Variants in TFEC observed in about 807,000 individuals in gnomAD.
TFEC encodes class E basic helix-loop-helix protein 34.
TFEC carries 31 observed loss-of-function variants against 41.6 expected under a neutral mutation model. That is an observed-to-expected ratio of 0.74 (90% confidence interval 0.56 to 1.01). The LOEUF (loss-of-function observed/expected upper bound fraction) is 1.01. Ranked by LOEUF, TFEC falls within the 50% of genes least tolerant of loss-of-function variation. The pLI is 0.00. For synonymous variants in TFEC, 143 were observed against 140.6 expected (o/e 1.02, Z -0.12); for missense variants, 402 against 404.1 (o/e 0.99, Z 0.04).
chr7:116,045,702 C>T (rs1466330084), intron 3 of TFEC, among the ~76,000 whole-genome samples: 1 of 152,244 alleles, frequency 6.6e-6, no homozygotes, highest in Non-Finnish European at 1.5e-5. Context: ...TCCTGGGGCA[C>T]TGCCTAGTGG....
chr7:116,148,830 G>C (rs138430145), intron 1 of TFEC, among the ~76,000 whole-genome samples: 1,602 of 151,906 alleles, frequency 0.011, 23 homozygotes, highest in African/African-American at 0.035. Context: ...AAATCTGCGA[G>C]TCATTCACAT....
At chr7:116,067,238 T>G (rs931829346) in intron 3 of TFEC, among the ~76,000 whole-genome samples, 2 of 151,962 alleles carry the variant, frequency 1.3e-5, no homozygotes, top group African/African-American at 4.8e-5. Context: ...TTACTCAGGA[T>G]TCCCTCATTT....
At chr7:116,137,124 C>A (rs900459694) in intron 1 of TFEC, among the ~76,000 whole-genome samples, 2 of 152,122 alleles carry the variant, frequency 1.3e-5, no homozygotes, top group African/African-American at 2.4e-5. Flanking sequence ...TCTTAAACAT[C>A]ATTTCCTCAT....
rs1178866496 is a variant in TFEC, at chr7:115,936,494, T to C, written c.*4057A>G. 6.6e-6 allele frequency: 1 copy of C among 151,626 alleles called. No homozygotes were observed. Among genetic ancestry groups the C allele is most frequent in the Non-Finnish European group, 1.5e-5 (1 of 67,654 alleles). 9.4% of individuals were successfully genotyped at this position (151,626 alleles called of 1,614,324 possible). A position where few individuals can be genotyped will look rare whatever the true frequency, so the allele number is the denominator to read the frequency against. ...ACACATCAGACGGTCAGTAAATACCTAAAGTGTTTGAATAGGGTCAAAGAC... is the reference window on the plus strand; with the variant it reads ...ACACATCAGACGGTCAGTAAATACCCAAAGTGTTTGAATAGGGTCAAAGAC... On this transcript the variant is annotated 3_prime_UTR_variant, in exon 8 of 8. Coordinates refer to ENST00000265440, the MANE Select transcript of TFEC (RefSeq NM_012252.4).
chr7:115,960,505 C>A (rs1186028570), intron 3 of TFEC, among the ~76,000 whole-genome samples: 1 of 151,464 alleles, frequency 6.6e-6, no homozygotes, highest in African/African-American at 2.4e-5. Flanking sequence ...GCAGTGGATC[C>A]AAGATCAAAG....
intron 1 of TFEC, among the ~76,000 whole-genome samples, chr7:115,986,814 C>G (rs912252669): frequency 1.3e-5 from 2 of 150,870 alleles, no homozygotes; most frequent in East Asian, 2.0e-4. Flanking sequence ...ATGTAAATGA[C>G]GAGTTAATGG....
intron 1 of TFEC, among the ~76,000 whole-genome samples, chr7:116,008,386 C>T (rs1354342009): frequency 1.3e-5 from 2 of 152,046 alleles, no homozygotes; most frequent in Admixed American, 1.3e-4. Context: ...TGCACATAGG[C>T]ACATATACAT....
chr7:116,129,304 T>G (rs577242037), intron 1 of TFEC, among the ~76,000 whole-genome samples: 5 of 151,380 alleles, frequency 3.3e-5, no homozygotes, highest in African/African-American at 1.2e-4. Context: ...GTTGAAATAG[T>G]TTTTGTTTTT....
At chr7:116,007,824 A>G (rs563033264) in intron 1 of TFEC, among the ~76,000 whole-genome samples, 8 of 152,332 alleles carry the variant, frequency 5.3e-5, no homozygotes, top group Admixed American at 2.6e-4. Context: ...ATGCTTTTAA[A>G]TGTAATTCAT....
chr7:116,022,036 G>C (rs952817301), intron 1 of TFEC, among the ~76,000 whole-genome samples: 1 of 152,144 alleles, frequency 6.6e-6, no homozygotes, highest in Non-Finnish European at 1.5e-5. Flanking sequence ...AAGGCACAAG[G>C]GGAAGGGGTG....
At chr7:116,056,154 CAA>C (rs1235864795) in intron 3 of TFEC, among the ~76,000 whole-genome samples, 1 of 151,702 alleles carries the variant, frequency 6.6e-6, no homozygotes, top group Non-Finnish European at 1.5e-5. Flanking sequence ...ACATCATCAA[CAA>C]AAAAGAGTGA....
At chr7:116,017,830 A>G (rs764883308) in intron 1 of TFEC, among the ~76,000 whole-genome samples, 2 of 152,196 alleles carry the variant, frequency 1.3e-5, no homozygotes, top group African/African-American at 2.4e-5. Context: ...GTCCTTCCCT[A>G]ATATATTTTT....
At chr7:116,036,188 T>C (rs1795905432) in intron 3 of TFEC, among the ~76,000 whole-genome samples, 1 of 152,084 alleles carries the variant, frequency 6.6e-6, no homozygotes, top group African/African-American at 2.4e-5. Context: ...CATTTTCTTC[T>C]TTGTGTTATA....
chr7:116,001,799 GA>G (rs982136422), intron 1 of TFEC, among the ~76,000 whole-genome samples: 75 of 151,858 alleles, frequency 4.9e-4, no homozygotes, highest in Non-Finnish European at 4.9e-4. Flanking sequence ...ACACTCTATA[GA>G]AAAAAATCTA....
At chr7:116,149,090 T>C (rs192506801) in intron 1 of TFEC, among the ~76,000 whole-genome samples, 65 of 152,124 alleles carry the variant, frequency 4.3e-4, no homozygotes, top group Admixed American at 2.3e-3. Context: ...AACTGAGAAA[T>C]AGAATAGCAG....
chr7:116,022,075 C>T (rs139522146), intron 1 of TFEC, among the ~76,000 whole-genome samples: 3,963 of 152,140 alleles, frequency 0.026, 70 homozygotes, highest in Non-Finnish European at 0.038. Flanking sequence ...TGGAAGTACC[C>T]GCGTGCCCAC....
intron 1 of TFEC, chr7:116,157,406 C>A (rs1211402796): frequency 6.6e-6 from 1 of 151,926 alleles, no homozygotes; most frequent in African/African-American, 2.4e-5. Context: ...AATAACATTA[C>A]AAATTGAATT....
At chr7:116,003,730 T>A (rs1390973844) in intron 1 of TFEC, among the ~76,000 whole-genome samples, 1 of 152,132 alleles carries the variant, frequency 6.6e-6, no homozygotes, top group East Asian at 1.9e-4. Context: ...ATAGACCACA[T>A]TCTGAACCAT....
At chr7:115,974,096 C>T in intron 3 of TFEC, 74 bp downstream of exon 3, 2 of 1,220,710 alleles carry the variant, frequency 1.6e-6, no homozygotes, top group Non-Finnish European at 2.3e-6. Flanking sequence ...GCACCAGTTG[C>T]TAATCAAATA....
Sources: gnomAD v4.1 joint callset for allele counts (sites outside exome capture counted in the v4.1 genomes callset) on GRCh38, gnomAD v4.1.1 for gene constraint, MANE v1.5 for transcripts, NCBI Gene and HGNC (gene_info 2026-07-23, HGNC 2026-07-21) for gene names.